The following DPP6 variants were observed in gnomAD, a reference collection of about 807,000 sequenced individuals.
DPP6 encodes the protein A-type potassium channel modulatory protein DPP6.
In DPP6, 69 loss-of-function variants were observed where a neutral mutation model predicts 122.6. That is an observed-to-expected ratio of 0.56 (90% CI 0.46 to 0.69). The LOEUF (loss-of-function observed/expected upper bound fraction) is 0.69, where lower values mean the gene tolerates loss of function less well. Among genes scored for constraint, DPP6 ranks in the 30% least tolerant of loss-of-function variants. The pLI, the probability that DPP6 is intolerant of heterozygous loss-of-function variation, is 0.00. For missense variants in DPP6, 928 were observed against 1,116.9 expected (o/e 0.83, Z 2.41); for synonymous variants, 418 against 433.1 (o/e 0.97, Z 0.43).
chr7:154,149,682 A>C (rs182511536), intron 1 of DPP6, among the ~76,000 whole-genome samples: 1 of 152,282 alleles, frequency 6.6e-6, no homozygotes, highest in South Asian at 2.1e-4. Context: ...AAAAGATTAT[A>C]GAGAACTGGA....
chr7:153,954,784 T>C (rs577382404), intron 1 of DPP6, among the ~76,000 whole-genome samples: 2 of 152,292 alleles, frequency 1.3e-5, no homozygotes, highest in East Asian at 1.9e-4. Context: ...TCCAACCTGT[T>C]GGTCTCTCCC....
At chr7:154,292,196 C>T (rs554383812) in intron 1 of DPP6, among the ~76,000 whole-genome samples, 1 of 152,210 alleles carries the variant, frequency 6.6e-6, no homozygotes, top group South Asian at 2.1e-4. Flanking sequence ...ATGAATGGCA[C>T]CACCGACAAA....
At chr7:153,923,760 CAAAAAAAAAAAA>C (rs1158548494) in intron 1 of DPP6, among the ~76,000 whole-genome samples, 1 of 46,798 alleles carries the variant, frequency 2.1e-5, no homozygotes, top group Non-Finnish European at 3.8e-5. Flanking sequence ...GACTCCATCT[CAAAAAAAAAAAA>C]AAAAAAAAAA....
At chr7:154,223,706 T>A (rs1451422095) in intron 1 of DPP6, among the ~76,000 whole-genome samples, 1 of 149,370 alleles carries the variant, frequency 6.7e-6, no homozygotes, top group African/African-American at 2.5e-5. Context: ...ATGTCCCTAG[T>A]CCTGCAGGGC....
chr7:154,829,913 C>A (rs987501383), intron 16 of DPP6, among the ~76,000 whole-genome samples: 1 of 152,148 alleles, frequency 6.6e-6, no homozygotes, highest in Non-Finnish European at 1.5e-5. Context: ...GATGCTGGTG[C>A]ACAGACCCCT....
intron 8 of DPP6, among the ~76,000 whole-genome samples, chr7:154,746,877 G>T (rs1230780619): frequency 2.0e-5 from 3 of 152,174 alleles, no homozygotes; most frequent in African/African-American, 7.2e-5. Context: ...TCCCTAAGAG[G>T]ATAGAAAATA....
chr7:154,576,285 A>C (rs1209694093), intron 5 of DPP6, among the ~76,000 whole-genome samples: 1 of 151,946 alleles, frequency 6.6e-6, no homozygotes, highest in Non-Finnish European at 1.5e-5. Flanking sequence ...ATGGACGCTC[A>C]CTCCCTGCAG....
chr7:153,996,823 G>GC (rs1255717964), intron 1 of DPP6, among the ~76,000 whole-genome samples: 1 of 152,150 alleles, frequency 6.6e-6, no homozygotes, highest in Non-Finnish European at 1.5e-5. Flanking sequence ...GGTTGATATG[G>GC]TGAGATGAGG....
At chr7:154,207,859 G>A (rs1363242255) in intron 1 of DPP6, among the ~76,000 whole-genome samples, 2 of 151,970 alleles carry the variant, frequency 1.3e-5, no homozygotes, top group African/African-American at 4.8e-5. Context: ...AGAGGCTGAG[G>A]CAGGAGAATC....
intron 1 of DPP6, among the ~76,000 whole-genome samples, chr7:153,958,691 G>T: frequency 6.6e-6 from 1 of 152,170 alleles, no homozygotes; most frequent in Non-Finnish European, 1.5e-5. Context: ...TTGCCCCATG[G>T]CTGGGGCTGG....
chr7:154,792,098 G>C (rs1399742517), intron 10 of DPP6, among the ~76,000 whole-genome samples: 1 of 152,234 alleles, frequency 6.6e-6, no homozygotes, highest in Non-Finnish European at 1.5e-5. Context: ...GAAGGACATA[G>C]AGGGAAAAAA....
intron 1 of DPP6, among the ~76,000 whole-genome samples, chr7:153,936,517 A>G (rs1052962204): frequency 6.6e-6 from 1 of 152,086 alleles, no homozygotes; most frequent in Non-Finnish European, 1.5e-5. Flanking sequence ...CTGAAATGTG[A>G]GAGGAATAGC....
chr7:153,941,560 C>G (rs1199693405), intron 1 of DPP6, among the ~76,000 whole-genome samples: 1 of 152,170 alleles, frequency 6.6e-6, no homozygotes, highest in African/African-American at 2.4e-5. Context: ...CTTGGGTGAC[C>G]TTTGGTATAA....
At chr7:153,801,451 A>G in the DPP6 span, among the ~76,000 whole-genome samples, 3 of 152,174 alleles carry the variant, frequency 2.0e-5, no homozygotes, top group African/African-American at 7.2e-5. Flanking sequence ...GCAGGTGTAC[A>G]GCGGTAGAGG....
chr7:154,293,600 G>A (rs115978870), intron 1 of DPP6, among the ~76,000 whole-genome samples: 2,308 of 152,194 alleles, frequency 0.015, 58 homozygotes, highest in African/African-American at 0.053. Flanking sequence ...TTTTCTTTCT[G>A]CTGAATTCAT....
intron 1 of DPP6, among the ~76,000 whole-genome samples, chr7:154,226,726 G>A (rs75485861): frequency 0.025 from 3,875 of 152,236 alleles, 63 homozygotes; most frequent in South Asian, 0.064. Flanking sequence ...CAAGTGTCAA[G>A]GCAAATGTGG....
chr7:154,609,975 T>C (rs1833805247), intron 5 of DPP6, among the ~76,000 whole-genome samples: 2 of 152,204 alleles, frequency 1.3e-5, no homozygotes, highest in African/African-American at 4.8e-5. Flanking sequence ...CAATATCACA[T>C]ATAACCATAC....
chr7:154,234,495 A>T (rs944171978), intron 1 of DPP6, among the ~76,000 whole-genome samples: 3 of 152,120 alleles, frequency 2.0e-5, no homozygotes, highest in African/African-American at 7.2e-5. Context: ...TTTTCTCCGT[A>T]GACTTTGCTC....
rs1259776348 is a variant in DPP6, at chr7:154,061,907, C to T, written c.243+8844C>T. Among the ~76,000 whole-genome samples the T allele has an allele frequency of 6.7e-5, 9 of 135,088 alleles. 1 individual carries two copies. The highest frequency in any genetic ancestry group is 3.7e-4 in the Admixed American group (5 of 13,532). 88.6% of individuals were successfully genotyped at this position (135,088 alleles called of 152,430 possible). On this transcript the variant is annotated intron_variant, in intron 1 of 25. Coordinates refer to ENST00000377770, the MANE Select transcript of DPP6 (RefSeq NM_130797.4). ...GGGACTGAGAGGCAATCCCTCTTCC[C>T]CCCCTGGCTCTGAGGACCCCCATCG...
Sources: gnomAD v4.1 joint callset for allele counts (sites outside exome capture counted in the v4.1 genomes callset) on GRCh38, gnomAD v4.1.1 for gene constraint, MANE v1.5 for transcripts, NCBI Gene and HGNC (gene_info 2026-07-23, HGNC 2026-07-21) for gene names.